WLS: variants seen among roughly 807,000 people sequenced by gnomAD.
The protein encoded by WLS is protein wntless homolog.
Under a neutral mutation model 62.8 loss-of-function variants are expected in WLS, and 23 were observed. That is an observed-to-expected ratio of 0.37 (90% CI 0.26 to 0.52). The LOEUF is 0.52. Among genes scored for constraint, WLS ranks in the 20% least tolerant of loss-of-function variants. WLS has a pLI of 0.92. For missense variants in WLS, 615 were observed against 697.3 expected, an observed-to-expected ratio of 0.88 and a Z score of 1.33; for synonymous variants, 246 against 244.1, an observed-to-expected ratio of 1.01 and a Z score of -0.07.
chr1:68,148,706 C>T (rs1251852923), intron 6 of WLS, 46 bp from the exon 7 acceptor site: 3 of 1,579,128 alleles, frequency 1.9e-6, no homozygotes, highest in Admixed American at 1.7e-5. Context: ...GAGAGGAAGA[C>T]CAAGCAATTC....
chr1:68,199,906 C>T (rs1648907189), intron 1 of WLS, among the ~76,000 whole-genome samples: 1 of 152,118 alleles, frequency 6.6e-6, no homozygotes, highest in African/African-American at 2.4e-5. Flanking sequence ...CAAATGGCCC[C>T]AAAGAGCCTT....
At chr1:68,130,065 C>T (rs1163814502) in intron 11 of WLS, among the ~76,000 whole-genome samples, 1 of 152,170 alleles carries the variant, frequency 6.6e-6, no homozygotes, top group African/African-American at 2.4e-5. Context: ...GAGTCACATC[C>T]ACAGGTGTGT....
At chr1:68,190,004 G>A (rs934571154) in intron 2 of WLS, among the ~76,000 whole-genome samples, 28 of 152,102 alleles carry the variant, frequency 1.8e-4, no homozygotes, top group South Asian at 8.3e-4. Flanking sequence ...GCGAGACTCC[G>A]TCTCAAAAAA....
At chr1:68,228,897 GTTT>G (rs10713302) in intron 1 of WLS, among the ~76,000 whole-genome samples, 2 of 90,540 alleles carry the variant, frequency 2.2e-5, no homozygotes, top group Admixed American at 1.5e-4. Context: ...GTTTTTTTTT[GTTT>G]TTTTTTTTTT....
intron 1 of WLS, among the ~76,000 whole-genome samples, chr1:68,222,081 A>G (rs1571035344): frequency 6.6e-6 from 1 of 152,244 alleles, no homozygotes; most frequent in Non-Finnish European, 1.5e-5. Flanking sequence ...TATGCCTGCC[A>G]CAAACATCCT....
At chr1:68,169,964 G>C (rs1274965938) in intron 2 of WLS, among the ~76,000 whole-genome samples, 1 of 152,204 alleles carries the variant, frequency 6.6e-6, no homozygotes, top group South Asian at 2.1e-4. Context: ...GACAGGCTGG[G>C]ACCACAGCCC....
chr1:68,203,507 C>T (rs888151985), intron 1 of WLS, among the ~76,000 whole-genome samples: 2 of 152,202 alleles, frequency 1.3e-5, no homozygotes, highest in East Asian at 3.9e-4. Flanking sequence ...GGGAGACTTA[C>T]AGTCAGGGAC....
chr1:68,176,912 T>C (rs1647282196), intron 2 of WLS, among the ~76,000 whole-genome samples: 1 of 152,166 alleles, frequency 6.6e-6, no homozygotes, highest in Non-Finnish European at 1.5e-5. Context: ...AACGTTTCCT[T>C]CTCTATACCT....
chr1:68,150,689 T>C (rs893672778), intron 5 of WLS, among the ~76,000 whole-genome samples: 1 of 152,226 alleles, frequency 6.6e-6, no homozygotes, highest in Non-Finnish European at 1.5e-5. Flanking sequence ...TTGTCCTCTT[T>C]CACCTATTCA....
chr1:68,133,224 AAAAAT>A (rs1570857495), intron 11 of WLS, among the ~76,000 whole-genome samples: 1 of 152,222 alleles, frequency 6.6e-6, no homozygotes, highest in African/African-American at 2.4e-5. Context: ...CTATGTACAT[AAAAAT>A]AAAATGATTA....
intron 1 of WLS, among the ~76,000 whole-genome samples, chr1:68,217,042 A>G (rs567706380): frequency 6.6e-6 from 1 of 152,328 alleles, no homozygotes; most frequent in East Asian, 1.9e-4. Flanking sequence ...AATAAGAAGT[A>G]CACTGAAGTT....
Position 68,126,346 on chromosome 1 carries a change from G to A in WLS, c.1517-11C>T. The A allele has an allele frequency of 6.2e-7, 1 of 1,613,864 alleles. No homozygotes were observed. Among genetic ancestry groups the A allele is most frequent in the Non-Finnish European group, 8.5e-7 (1 of 1,179,986 alleles). On this transcript the variant is annotated splice_polypyrimidine_tract_variant and intron_variant, in intron 11 of 11. Transcript: ENST00000262348. ...GGACACCCAGATCGCCTGAAACAGG[G>A]TTTTCGGTGTTAGATGCATTCAAGG...
intron 7 of WLS, 110 bp downstream of exon 7, chr1:68,148,453 A>G: frequency 8.1e-7 from 1 of 1,229,234 alleles, no homozygotes; most frequent in Non-Finnish European, 1.2e-6. Context: ...AGTGCTTCCA[A>G]ACCAAAGGTT....
chr1:68,115,163 C>T (rs1646274682), intron 11 of WLS, among the ~76,000 whole-genome samples: 2 of 152,196 alleles, frequency 1.3e-5, no homozygotes, highest in African/African-American at 4.8e-5. Context: ...TTCAGGAGGT[C>T]CCTCTGGGGC....
chr1:68,136,974 C>G (rs1475693029), intron 11 of WLS, among the ~76,000 whole-genome samples: 1 of 152,154 alleles, frequency 6.6e-6, no homozygotes, highest in African/African-American at 2.4e-5. Flanking sequence ...TAGAGTAAAG[C>G]AGGTGTAAAA....
chr1:68,161,682 C>T (rs1646975981), intron 2 of WLS: 3 of 1,104,022 alleles, frequency 2.7e-6, no homozygotes, highest in Admixed American at 1.9e-5. Flanking sequence ...TATTCTTTTT[C>T]TCTTAGTTCA....
At chr1:68,213,338 C>G (rs1649594126) in intron 1 of WLS, among the ~76,000 whole-genome samples, 1 of 151,436 alleles carries the variant, frequency 6.6e-6, no homozygotes, top group Non-Finnish European at 1.5e-5. Context: ...GTAATCCCAG[C>G]TACTCAGGAG....
At chr1:68,140,738 C>T (rs573370123) in intron 10 of WLS, among the ~76,000 whole-genome samples, 31 of 152,276 alleles carry the variant, frequency 2.0e-4, no homozygotes, top group African/African-American at 7.0e-4. Context: ...CAGAAATAAA[C>T]GGTATAGATA....
intron 2 of WLS, among the ~76,000 whole-genome samples, chr1:68,179,072 G>T (rs1647401457): frequency 6.6e-6 from 1 of 152,162 alleles, no homozygotes; most frequent in Non-Finnish European, 1.5e-5. Flanking sequence ...GAGTAGAAAT[G>T]AACACAAGGT....
Sources: allele counts gnomAD v4.1 joint callset (sites outside exome capture counted in the v4.1 genomes callset), GRCh38; gene constraint gnomAD v4.1.1; transcripts MANE v1.5; gene names NCBI Gene and HGNC (gene_info 2026-07-23, HGNC 2026-07-21).